VEPH1: variants seen among roughly 807,000 people sequenced by gnomAD.
VEPH1 encodes ventricular zone expressed PH domain containing 1.
VEPH1 carries 80 observed loss-of-function variants against 85.2 expected under a neutral mutation model. That is an observed-to-expected ratio of 0.94 (90% confidence interval 0.78 to 1.13). VEPH1 has a LOEUF of 1.13. VEPH1 is among the 50% of genes most tolerant of loss of function. The pLI is 0.00. For missense variants in VEPH1, 955 were observed against 980.5 expected (o/e 0.97, Z 0.35); for synonymous variants, 297 against 348.0 (o/e 0.85, Z 1.63).
intron 6 of VEPH1, among the ~76,000 whole-genome samples, chr3:157,410,585 GT>G (rs1305841167): frequency 6.6e-6 from 1 of 152,102 alleles, no homozygotes; most frequent in Non-Finnish European, 1.5e-5. Context: ...AAATTACTCT[GT>G]TACTAGCTGC....
At chr3:157,378,306 GTATATATATATATATATATATATA>G (rs56800722) in intron 7 of VEPH1, among the ~76,000 whole-genome samples, 41,356 of 94,756 alleles carry the variant, frequency 0.44, 8,989 homozygotes, top group Middle Eastern at 0.55. Context: ...TTTTTGAATG[GTATATATATATATATATATATATA>G]TATATATATA....
intron 9 of VEPH1, among the ~76,000 whole-genome samples, chr3:157,343,778 A>G (rs1213175313): frequency 6.6e-6 from 1 of 152,242 alleles, no homozygotes; most frequent in African/African-American, 2.4e-5. Flanking sequence ...AAAATCCTCA[A>G]TAAAATACTG....
intron 9 of VEPH1, among the ~76,000 whole-genome samples, chr3:157,358,548 T>C (rs1163378765): frequency 1.3e-5 from 2 of 152,136 alleles, no homozygotes; most frequent in Non-Finnish European, 2.9e-5. Context: ...AAGCATTAAG[T>C]GGATGGGCGT....
At chr3:157,468,523 C>T (rs1393234482) in intron 3 of VEPH1, among the ~76,000 whole-genome samples, 3 of 151,956 alleles carry the variant, frequency 2.0e-5, no homozygotes, top group Middle Eastern at 3.4e-3. Context: ...TGCAGTGAGC[C>T]GAGATCACGC....
rs771750950 is a variant in VEPH1 at position 157,460,409 on chromosome 3, C to A, written c.355-54G>T. ...ATAAGTGACTCATTATTCATTTATT[C>A]ATTCATTCACTCATTCAAAAAATAT... On this transcript the variant is annotated intron_variant, in intron 3 of 13. Coordinates refer to ENST00000362010, the MANE Select transcript of VEPH1 (RefSeq NM_001167912.2). The A allele has an allele frequency of 2.0e-5, 31 of 1,558,282 alleles. No individual in the cohort carries two copies. The Admixed American group carries it at 2.4e-4, about 12-fold the overall frequency.
chr3:157,365,869 G>T (rs891777089), intron 7 of VEPH1, among the ~76,000 whole-genome samples: 2 of 152,108 alleles, frequency 1.3e-5, no homozygotes, highest in Non-Finnish European at 2.9e-5. Flanking sequence ...AATTTTAGGG[G>T]TTATTATGAC....
intron 12 of VEPH1, among the ~76,000 whole-genome samples, chr3:157,277,247 G>C (rs532598847): frequency 1.3e-5 from 2 of 152,156 alleles, no homozygotes; most frequent in Non-Finnish European, 2.9e-5. Context: ...ACACATATCC[G>C]ATGTTGGTCC....
intron 4 of VEPH1, among the ~76,000 whole-genome samples, chr3:157,456,889 AT>A (rs1458506797): frequency 6.6e-6 from 1 of 151,938 alleles, no homozygotes; most frequent in Non-Finnish European, 1.5e-5. Flanking sequence ...ATTTTAAAAT[AT>A]TTTTTCTAGT....
rs34655398 is a variant in VEPH1, at chr3:157,437,050, T to G, written c.530-8562A>C. On this transcript the variant is annotated intron_variant, in intron 4 of 13. Coordinates refer to ENST00000362010, the MANE Select transcript of VEPH1 (RefSeq NM_001167912.2). Reference sequence around the variant, plus strand: ...ACAACGAAATAGACAATGGACTCCATCCCACTGAGGACCGTAAGTTCACTT... The same window carrying G: ...ACAACGAAATAGACAATGGACTCCAGCCCACTGAGGACCGTAAGTTCACTT... The G allele has an allele frequency of 3.2e-3, 5,127 of 1,613,962 alleles. 98 individuals carry two copies. The African/African-American group carries it at 0.053, about 17-fold the overall frequency.
intron 3 of VEPH1, among the ~76,000 whole-genome samples, chr3:157,464,637 G>T (rs1736198130): frequency 6.6e-6 from 1 of 152,140 alleles, no homozygotes. Flanking sequence ...CGGATGCCAA[G>T]AATTATATTT....
chr3:157,361,212 G>C (rs2108762824), intron 9 of VEPH1, among the ~76,000 whole-genome samples: 1 of 152,252 alleles, frequency 6.6e-6, no homozygotes, highest in East Asian at 1.9e-4. Context: ...ACTTATATTT[G>C]AATATAAGCA....
At chr3:157,317,017 C>T (rs769606078) in intron 10 of VEPH1, 45 bp downstream of exon 10, 4 of 1,579,866 alleles carry the variant, frequency 2.5e-6, no homozygotes, top group African/African-American at 1.4e-5. Flanking sequence ...AAGCCCATAT[C>T]CCAGAAGCTC....
intron 10 of VEPH1, among the ~76,000 whole-genome samples, chr3:157,315,300 T>C (rs1720628264): frequency 6.6e-6 from 1 of 152,074 alleles, no homozygotes; most frequent in Non-Finnish European, 1.5e-5. Flanking sequence ...AAGTTAGTGA[T>C]CCACAGATTT....
At position 157,475,621 on chromosome 3, in the gene VEPH1, C is replaced by T. The variant is rs141905872; in HGVS notation, c.139-5092G>A. Among the ~76,000 whole-genome samples, 452 of 152,340 alleles carry T rather than the reference C, an allele frequency of 3.0e-3. 3 individuals carry two copies. The highest frequency in any genetic ancestry group is 0.01 in the African/African-American group (423 of 41,578). Reference sequence around the variant, plus strand: ...GTGTCATCAACCACTATAGAAATAACATCTTACACTCAGGTGACACTTATG... The same window carrying T: ...GTGTCATCAACCACTATAGAAATAATATCTTACACTCAGGTGACACTTATG... On this transcript the variant is annotated intron_variant, in intron 2 of 13. Coordinates refer to ENST00000362010, the MANE Select transcript of VEPH1 (RefSeq NM_001167912.2).
At chr3:157,437,229 C>A (rs987857495) in intron 4 of VEPH1, among the ~76,000 whole-genome samples, 2 of 152,188 alleles carry the variant, frequency 1.3e-5, no homozygotes, top group Admixed American at 1.3e-4. Flanking sequence ...AAAGTTATTT[C>A]TGTAACGTAC....
intron 12 of VEPH1, among the ~76,000 whole-genome samples, chr3:157,269,386 C>T (rs1459108544): frequency 1.3e-5 from 2 of 151,840 alleles, no homozygotes; most frequent in African/African-American, 4.8e-5. Flanking sequence ...TCACCGTAGC[C>T]CAGTGAAAAT....
chr3:157,460,051 G>T (rs1467804176), intron 4 of VEPH1, 130 bp downstream of exon 4: 1 of 1,590,848 alleles, frequency 6.3e-7, no homozygotes, highest in Non-Finnish European at 8.5e-7. Flanking sequence ...AGGTCAACTG[G>T]CAGCAAAACA....
chr3:157,502,168 G>T (rs908243791), intron 1 of VEPH1, among the ~76,000 whole-genome samples: 5 of 152,142 alleles, frequency 3.3e-5, no homozygotes, highest in Non-Finnish European at 7.3e-5. Flanking sequence ...CAATGCTAAA[G>T]GCTTCAGCCC....
chr3:157,413,709 G>T, intron 6 of VEPH1, 172 bp downstream of exon 6: 1 of 951,570 alleles, frequency 1.1e-6, no homozygotes, highest in Non-Finnish European at 1.3e-6. Context: ...GGACAAATTT[G>T]TATGTCATAG....
Sources: allele counts gnomAD v4.1 joint callset (sites outside exome capture counted in the v4.1 genomes callset), GRCh38; gene constraint gnomAD v4.1.1; transcripts MANE v1.5; gene names NCBI Gene and HGNC (gene_info 2026-07-23, HGNC 2026-07-21).